The following MYO5B variants were observed in gnomAD, a reference collection of about 807,000 sequenced individuals.
MYO5B encodes the protein myosin VB, also known as unconventional myosin-Vb.
Under a neutral mutation model 229.3 loss-of-function variants are expected in MYO5B, and 143 were observed. The ratio of observed to expected loss-of-function variants is 0.62; its 90% CI spans 0.54 to 0.72. The LOEUF is 0.72. MYO5B is among the 30% of genes least tolerant of loss of function. MYO5B has a pLI of 0.00. For missense variants in MYO5B, 2,321 were observed against 2,331.0 expected (o/e 1.00, Z 0.09); for synonymous variants, 918 against 885.2 (o/e 1.04, Z -0.66).
At chr18:49,969,073 T>C (rs925472391) in intron 10 of MYO5B, among the ~76,000 whole-genome samples, 4 of 152,174 alleles carry the variant, frequency 2.6e-5, no homozygotes, top group Admixed American at 2.6e-4. Flanking sequence ...CAGCTTCCGA[T>C]GATCTGCAAG....
At chr18:49,934,807 T>C (rs1403586676) in intron 16 of MYO5B, among the ~76,000 whole-genome samples, 1 of 152,182 alleles carries the variant, frequency 6.6e-6, no homozygotes, top group Admixed American at 6.5e-5. Flanking sequence ...ACAGAGCCCA[T>C]CTGAATGGAA....
chr18:50,104,264 T>TTA (rs1568107895), intron 1 of MYO5B, among the ~76,000 whole-genome samples: 1 of 71,430 alleles, frequency 1.4e-5, no homozygotes, highest in Non-Finnish European at 2.6e-5. Context: ...GATCTATACA[T>TTA]GATATATATA....
At position 49,974,407 on chromosome 18, in the gene MYO5B, T is replaced by C. The variant is rs763585606; in HGVS notation, c.1265A>G (p.Lys422Arg). ...CTGCTTGAGGGAGGTGTGCAGGGCCTTGTTGATGTGCTCCACAATCCAGCC... is the reference window on the plus strand; with the variant it reads ...CTGCTTGAGGGAGGTGTGCAGGGCCCTGTTGATGTGCTCCACAATCCAGCC... ...LFGWIVEHIN[K>R]ALHTSLKQHS... The change falls in exon 10 of 40, where the codon AAG (lysine) becomes AGG (arginine). Residue 422 changes from lysine to arginine, a missense_variant. By Grantham distance (26) the Lys-to-Arg change is conservative. Around this residue, in one of 2 missense-constraint regions of MYO5B, gnomAD observed 2,113 missense variants for 2,044.7 expected, o/e 1.03. Transcript: ENST00000285039. The C allele has an allele frequency of 6.2e-6, 10 of 1,614,062 alleles. No homozygotes were observed. Among genetic ancestry groups the C allele is most frequent in the Admixed American group, 3.3e-5 (2 of 60,000 alleles).
chr18:49,980,301 A>G, intron 9 of MYO5B, 143 bp downstream of exon 9: 1 of 740,416 alleles, frequency 1.4e-6, no homozygotes, highest in Non-Finnish European at 2.4e-6. Flanking sequence ...CTTTTAAAAA[A>G]TTATCAGCAA....
In MYO5B at chr18:50,102,168, T is replaced by C. The variant is rs548807040; in HGVS notation, c.28-46790A>G. On this transcript the variant is annotated intron_variant, in intron 1 of 39. Transcript: ENST00000285039. ...ACAGGAGGAGAAAACCAAATACCAC[T>C]TATTCTCACTCATAAGTGGGGGTTG... Among the ~76,000 whole-genome samples, 7 of 152,144 alleles carry C rather than the reference T, an allele frequency of 4.6e-5. No homozygotes were observed. In the East Asian group the frequency reaches 1.4e-3, roughly 29 times the overall value.
intron 1 of MYO5B, among the ~76,000 whole-genome samples, chr18:50,132,694 T>C (rs914872763): frequency 6.6e-6 from 1 of 152,222 alleles, no homozygotes; most frequent in Non-Finnish European, 1.5e-5. Context: ...TAGATTATGG[T>C]GGTTGCCACT....
intron 1 of MYO5B, among the ~76,000 whole-genome samples, chr18:50,069,683 A>G (rs564025517): frequency 3.9e-5 from 6 of 152,268 alleles, no homozygotes; most frequent in African/African-American, 1.2e-4. Context: ...AAGCACAGGG[A>G]TTCTTAGATA....
At chr18:50,091,214 G>A (rs571044068) in intron 1 of MYO5B, among the ~76,000 whole-genome samples, 1 of 152,182 alleles carries the variant, frequency 6.6e-6, no homozygotes, top group Admixed American at 6.5e-5. Context: ...CGCACTGGAA[G>A]TTTATAAAGG....
chr18:50,140,612 C>T (rs1445783688), intron 1 of MYO5B, among the ~76,000 whole-genome samples: 3 of 152,188 alleles, frequency 2.0e-5, no homozygotes, highest in Admixed American at 2.0e-4. Context: ...GGCAAACAGC[C>T]TCCAAAGGAA....
chr18:50,163,106 A>G (rs1263354243), intron 1 of MYO5B, among the ~76,000 whole-genome samples: 2 of 152,224 alleles, frequency 1.3e-5, no homozygotes, highest in Non-Finnish European at 1.5e-5. Context: ...AATTGCTACC[A>G]AGGTTGCCAG....
intron 1 of MYO5B, among the ~76,000 whole-genome samples, chr18:50,121,869 A>T (rs1269505542): frequency 6.6e-6 from 1 of 152,246 alleles, no homozygotes; most frequent in Non-Finnish European, 1.5e-5. Context: ...ACCCCATGCA[A>T]CTACCAATAA....
intron 14 of MYO5B, among the ~76,000 whole-genome samples, chr18:49,943,795 T>C (rs1411033471): frequency 6.6e-6 from 1 of 152,112 alleles, no homozygotes; most frequent in Non-Finnish European, 1.5e-5. Context: ...ATTAAAAACA[T>C]AATGACAAGA....
chr18:49,874,872 T>A (rs146931325), intron 26 of MYO5B, among the ~76,000 whole-genome samples: 2 of 152,320 alleles, frequency 1.3e-5, no homozygotes, highest in East Asian at 3.9e-4. Context: ...CTATAGTCAA[T>A]GGATTCTCTA....
intron 18 of MYO5B, among the ~76,000 whole-genome samples, chr18:49,907,450 G>A (rs1002991709): frequency 6.6e-6 from 1 of 152,172 alleles, no homozygotes; most frequent in African/African-American, 2.4e-5. Context: ...CCCTTTGGAT[G>A]AGGAAAGACA....
At chr18:49,856,995 A>C (rs2024270827) in intron 29 of MYO5B, 105 bp from the exon 30 acceptor site, 1 of 938,020 alleles carries the variant, frequency 1.1e-6, no homozygotes, top group Middle Eastern at 2.1e-4. Flanking sequence ...TTTGGAAACG[A>C]AAAAAAGGCA....
At chr18:49,833,110 A>G (rs2023942820) in intron 39 of MYO5B, among the ~76,000 whole-genome samples, 1 of 152,224 alleles carries the variant, frequency 6.6e-6, no homozygotes, top group Non-Finnish European at 1.5e-5. Flanking sequence ...AATTTTAGAG[A>G]GTATAAAAAT....
rs2025724929 is a variant in MYO5B, at chr18:49,974,589, G to A, written c.1083C>T (p.Phe361=). The change falls in exon 10 of 40, where the codon TTC becomes TTT. Residue 361 remains phenylalanine (F), a synonymous_variant. Transcript: ENST00000285039. ...ISPQDVYLSN[F]CRLLGVEHSQ... ...TGTGCTCCACCCCTAGCAGTCGGCA[G>A]AAGTTGCTTAGGTATACATCCTGGG... is the stretch of plus-strand genomic sequence containing the variant. 1.9e-6 allele frequency: 3 copies of A among 1,613,986 alleles called. No individual in the cohort carries two copies. The highest frequency in any genetic ancestry group is 2.5e-6 in the Non-Finnish European group (3 of 1,179,998).
Position 50,004,184 on chromosome 18 carries a change from C to T in MYO5B, c.456-2773G>A, listed in dbSNP as rs552384735. ...TGGGCTCTTCTGAGGAGGTAAGTGG[C>T]CAGGAATCAAAAAGGGGGCTAGGTC... On this transcript the variant is annotated intron_variant, in intron 4 of 39. Transcript: ENST00000285039. 3.3e-5 allele frequency among the ~76,000 whole-genome samples: 5 copies of T among 151,944 alleles called. No individual in the cohort carries two copies. The East Asian group carries it at 9.7e-4, about 29-fold the overall frequency.
At chr18:50,068,286 C>A (rs140722993) in intron 1 of MYO5B, among the ~76,000 whole-genome samples, 104 of 152,280 alleles carry the variant, frequency 6.8e-4, no homozygotes, top group African/African-American at 2.4e-3. Flanking sequence ...AAATAGAAAC[C>A]CACACCAGGT....
Sources: allele counts gnomAD v4.1 joint callset (sites outside exome capture counted in the v4.1 genomes callset), GRCh38; gene constraint gnomAD v4.1.1; regional missense constraint gnomAD v4.1.1; transcripts MANE v1.5; gene names NCBI Gene and HGNC (gene_info 2026-07-23, HGNC 2026-07-21).